The following PRH1 variants were observed in gnomAD, a reference collection of about 807,000 sequenced individuals.
The protein encoded by PRH1 is proline rich protein HaeIII subfamily 1, also known as salivary acidic proline-rich phosphoprotein 1/2.
PRH1 carries 7 observed loss-of-function variants against 7.9 expected under a neutral mutation model. The observed-to-expected ratio is 0.89, with a 90% CI of 0.50 to 1.67. The LOEUF (loss-of-function observed/expected upper bound fraction) is 1.67. PRH1 is among the 40% of genes most tolerant of loss of function. The pLI, the probability that PRH1 is intolerant of heterozygous loss-of-function variation, is 0.00. For synonymous variants in PRH1, 45 were observed against 80.8 expected (o/e 0.56, Z 2.38); for missense variants, 109 against 223.6 (o/e 0.49, Z 3.27).
intron 1 of PRH1, among the ~76,000 whole-genome samples, chr12:11,170,126 A>G (rs1592141182): frequency 2.0e-5 from 3 of 152,240 alleles, no homozygotes; most frequent in Admixed American, 6.5e-5. Context: ...GTGTGCGATT[A>G]AAAAATACAG....
intron 1 of PRH1, among the ~76,000 whole-genome samples, chr12:11,070,820 G>A (rs1442944658): frequency 2.2e-5 from 3 of 138,680 alleles, no homozygotes; most frequent in Non-Finnish European, 4.8e-5. Context: ...ATTTTCTTTT[G>A]TTTTCTGTGT....
At chr12:10,929,854 G>T (rs1950178119) in intron 2 of PRH1, among the ~76,000 whole-genome samples, 2 of 152,216 alleles carry the variant, frequency 1.3e-5, no homozygotes, top group Admixed American at 1.3e-4. Flanking sequence ...GTATTTTAAT[G>T]TGCTGGGACG....
rs767846622 is a variant in PRH1 at position 10,973,665 on chromosome 12, T to A, written c.-69A>T. The A allele has an allele frequency of 3.9e-6, 3 of 779,100 alleles. No individual in the cohort carries two copies. In the Admixed American group the frequency reaches 5.1e-5, roughly 13 times the overall value. The allele number at this position is 779,100 out of a possible 1,614,324, so 48.3% of individuals were successfully genotyped here. On this transcript the variant is annotated 5_prime_UTR_variant, in exon 2 of 4. Coordinates refer to the PRH1 transcript ENST00000539853. ...ATATGTAGAAGTTACCTGTGAAAAC[T>A]TCCACTCTTGAGTAGATACAGCAGG...
intron 2 of PRH1, chr12:10,939,072 G>A (rs948987950): frequency 1.2e-6 from 2 of 1,613,962 alleles, no homozygotes; most frequent in African/African-American, 1.3e-5. Flanking sequence ...GTGAGGATCC[G>A]ATCAACCGAA....
intron 2 of PRH1, chr12:10,939,002 GAC>G (rs1337673298): frequency 6.2e-7 from 1 of 1,613,452 alleles, no homozygotes; most frequent in Non-Finnish European, 8.5e-7. Flanking sequence ...GAAAAACACA[GAC>G]ACACACCAGC....
At chr12:11,134,320 T>C in intron 1 of PRH1, 1 of 1,330,050 alleles carries the variant, frequency 7.5e-7, no homozygotes, top group Non-Finnish European at 1.0e-6. Flanking sequence ...TATCCTGACC[T>C]TAAATTCTAT....
intron 1 of PRH1, among the ~76,000 whole-genome samples, chr12:11,003,844 C>T (rs942037894): frequency 2.6e-5 from 4 of 151,804 alleles, no homozygotes; most frequent in East Asian, 1.9e-4. Flanking sequence ...ATTCACTTTC[C>T]TTTTCATATA....
chr12:11,079,682 G>C lies in PRH1; in HGVS notation n.124-32494C>G, dbSNP rs1208659140. 2.5e-5 allele frequency among the ~76,000 whole-genome samples: 3 copies of C among 117,718 alleles called. 1 individual carries two copies. The highest frequency in any genetic ancestry group is 4.0e-5 in the Non-Finnish European group (2 of 49,590). The allele number at this position is 117,718 out of a possible 152,430, so 77.2% of individuals were successfully genotyped here. On this transcript the variant is annotated intron_variant and non_coding_transcript_variant, in intron 1 of 4. Coordinates refer to the PRH1 transcript ENST00000541977. ...AGGATTCAAGGGAAAAATAGACAGA[G>C]AATGTCAAAGTTTTGTCACATGAAG...
chr12:11,134,780 A>T (rs1232337176), intron 1 of PRH1: 1 of 154,336 alleles, frequency 6.5e-6, no homozygotes, highest in Admixed American at 6.4e-5. Flanking sequence ...AATACACAGA[A>T]TCCAAACTGC....
intron 1 of PRH1, among the ~76,000 whole-genome samples, chr12:10,976,866 A>C (rs114406985): frequency 0.015 from 2,264 of 152,226 alleles, 69 homozygotes; most frequent in African/African-American, 0.052. Flanking sequence ...CTGAACTAAG[A>C]AGAAATTGCA....
Position 10,929,345 on chromosome 12 carries a change from G to T in PRH1, c.-59+44310C>A, listed in dbSNP as rs368737285. Reference sequence around the variant, plus strand: ...CTCAGGACTTAGATGAAGGTAAGCCGAATTGGGGGAAGATATTGTGACTCT... The same window carrying T: ...CTCAGGACTTAGATGAAGGTAAGCCTAATTGGGGGAAGATATTGTGACTCT... On this transcript the variant is annotated intron_variant, in intron 2 of 3. Transcript: ENST00000539853. 12 of 1,614,128 alleles carry T rather than the reference G, an allele frequency of 7.4e-6. No homozygotes were observed. In the African/African-American group the frequency reaches 1.6e-4, roughly 22 times the overall value.
At chr12:10,965,876 C>T (rs1374652932) in intron 2 of PRH1, among the ~76,000 whole-genome samples, 1 of 152,110 alleles carries the variant, frequency 6.6e-6, no homozygotes, top group East Asian at 1.9e-4. Context: ...AGACAAAATC[C>T]AAACTTTTTA....
chr12:11,051,419 T>C (rs1943138234), upstream of PRH1, among the ~76,000 whole-genome samples: 1 of 152,214 alleles, frequency 6.6e-6, no homozygotes, highest in Non-Finnish European at 1.5e-5. Flanking sequence ...GGAACATTTC[T>C]TCTGATTAAT....
intron 1 of PRH1, among the ~76,000 whole-genome samples, chr12:11,039,713 T>C (rs1942623006): frequency 6.6e-6 from 1 of 152,276 alleles, no homozygotes; most frequent in African/African-American, 2.4e-5. Flanking sequence ...CAAAAGCATT[T>C]AAGGTTTTCT....
At chr12:10,950,739 A>C (rs1282595454) in intron 2 of PRH1, among the ~76,000 whole-genome samples, 1 of 152,106 alleles carries the variant, frequency 6.6e-6, no homozygotes, top group Non-Finnish European at 1.5e-5. Context: ...TAGATTGTTT[A>C]GATTGTTTAA....
At chr12:11,030,808 A>T (rs151038964) in intron 1 of PRH1, 3 of 1,614,226 alleles carry the variant, frequency 1.9e-6, no homozygotes, top group Non-Finnish European at 2.5e-6. Flanking sequence ...TTACAGTCGC[A>T]TCTGAAAGGT....
intron 1 of PRH1, among the ~76,000 whole-genome samples, chr12:11,055,634 T>G (rs999680606): frequency 6.6e-6 from 1 of 152,212 alleles, no homozygotes; most frequent in Non-Finnish European, 1.5e-5. Context: ...ATGCTGATGT[T>G]GAAGTAAAAG....
chr12:10,957,606 A>G (rs955884175), intron 2 of PRH1, among the ~76,000 whole-genome samples: 3 of 152,218 alleles, frequency 2.0e-5, no homozygotes, highest in African/African-American at 4.8e-5. Context: ...ACAAGAAAAG[A>G]AACTATCAAC....
At chr12:10,929,520 T>C (rs1211757154) in intron 2 of PRH1, among the ~76,000 whole-genome samples, 2 of 152,112 alleles carry the variant, frequency 1.3e-5, no homozygotes, top group Admixed American at 6.5e-5. Flanking sequence ...AATTTATTGA[T>C]TGCACAAATA....
Sources: allele counts gnomAD v4.1 joint callset (sites outside exome capture counted in the v4.1 genomes callset), GRCh38; gene constraint gnomAD v4.1.1; transcripts MANE v1.5; gene names NCBI Gene and HGNC (gene_info 2026-07-23, HGNC 2026-07-21).